The following PFDN1 variants were observed in gnomAD, a reference collection of about 807,000 sequenced individuals.
PFDN1 encodes prefoldin subunit 1, also known as prefoldin 1.
A neutral mutation model predicts 17.3 loss-of-function variants in PFDN1; 6 were observed. The ratio of observed to expected loss-of-function variants is 0.35; its 90% CI spans 0.19 to 0.69. PFDN1 has a LOEUF of 0.69. PFDN1 is among the 30% of genes least tolerant of loss of function. The pLI is 0.65. For synonymous variants in PFDN1, 58 were observed against 50.1 expected (o/e 1.16, Z -0.67); for missense variants, 113 against 146.2 (o/e 0.77, Z 1.17).
intron 1 of PFDN1, among the ~76,000 whole-genome samples, chr5:140,301,649 T>C (rs1765748589): frequency 1.3e-5 from 2 of 152,202 alleles, no homozygotes; most frequent in Admixed American, 1.3e-4. Flanking sequence ...AGTTTTTTAA[T>C]TAATTGGTTA....
chr5:140,283,454 C>T (rs1166214453), intron 2 of PFDN1, among the ~76,000 whole-genome samples: 3 of 152,164 alleles, frequency 2.0e-5, no homozygotes, highest in Non-Finnish European at 4.4e-5. Flanking sequence ...AGGATGGTCT[C>T]GATTTCCTGA....
intron 3 of PFDN1, among the ~76,000 whole-genome samples, chr5:140,257,048 C>G (rs933754512): frequency 4.0e-5 from 6 of 151,876 alleles, no homozygotes; most frequent in African/African-American, 1.5e-4. Flanking sequence ...TGATAAAAAC[C>G]CTGTCTCTAC....
chr5:140,264,567 G>A (rs989326262), intron 3 of PFDN1, among the ~76,000 whole-genome samples: 2 of 152,166 alleles, frequency 1.3e-5, no homozygotes, highest in Non-Finnish European at 1.5e-5. Flanking sequence ...GACTAGGCAT[G>A]GTGGGTCATG....
chr5:140,302,281 C>A (rs1765759610), intron 1 of PFDN1, among the ~76,000 whole-genome samples: 1 of 152,202 alleles, frequency 6.6e-6, no homozygotes, highest in Admixed American at 6.5e-5. Context: ...CACCCCACCG[C>A]ACAAAGCATA....
At chr5:140,263,935 G>A (rs188991679) in intron 3 of PFDN1, among the ~76,000 whole-genome samples, 1,951 of 146,812 alleles carry the variant, frequency 0.013, 28 homozygotes, top group Non-Finnish European at 0.02. Flanking sequence ...GCAGGAGAAT[G>A]GCGTGAACCC....
At chr5:140,283,692 CAA>C (rs1369794927) in intron 2 of PFDN1, among the ~76,000 whole-genome samples, 1 of 152,092 alleles carries the variant, frequency 6.6e-6, no homozygotes, top group Non-Finnish European at 1.5e-5. Flanking sequence ...TTACTGGATC[CAA>C]GAGATGGGTG....
At chr5:140,271,126 G>A (rs1349236527) in intron 3 of PFDN1, among the ~76,000 whole-genome samples, 1 of 152,066 alleles carries the variant, frequency 6.6e-6, no homozygotes, top group Admixed American at 6.6e-5. Context: ...GAGCATATAT[G>A]GTGGGCTTTT....
chr5:140,287,036 C>T (rs749064877), intron 2 of PFDN1, among the ~76,000 whole-genome samples: 2 of 152,088 alleles, frequency 1.3e-5, no homozygotes, highest in African/African-American at 2.4e-5. Context: ...TATAGTGGCT[C>T]TAATGTAAGT....
intron 3 of PFDN1, among the ~76,000 whole-genome samples, chr5:140,279,197 T>C (rs535485648): frequency 1.1e-4 from 17 of 152,296 alleles, no homozygotes; most frequent in East Asian, 5.8e-4. Flanking sequence ...ACAGAAACCG[T>C]AGAGGTGACA....
chr5:140,268,388 A>G (rs1765161821), intron 3 of PFDN1, among the ~76,000 whole-genome samples: 2 of 152,206 alleles, frequency 1.3e-5, no homozygotes, highest in Non-Finnish European at 2.9e-5. Flanking sequence ...ACAGTGGCTC[A>G]CACCTGTAAT....
intron 3 of PFDN1, among the ~76,000 whole-genome samples, chr5:140,278,642 C>T (rs574002566): frequency 6.6e-6 from 1 of 151,688 alleles, no homozygotes; most frequent in Non-Finnish European, 1.5e-5. Flanking sequence ...GAGCACTTGC[C>T]CCCCCAACAC....
At chr5:140,276,806 G>C (rs75955738) in intron 3 of PFDN1, among the ~76,000 whole-genome samples, 1 of 91,272 alleles carries the variant, frequency 1.1e-5, no homozygotes, top group South Asian at 4.7e-4. Flanking sequence ...AAAAAAAAAA[G>C]ACTGAGAGTA....
intron 3 of PFDN1, among the ~76,000 whole-genome samples, chr5:140,270,478 G>T (rs1490965765): frequency 2.6e-5 from 4 of 152,046 alleles, no homozygotes; most frequent in Admixed American, 2.0e-4. Flanking sequence ...GGGCTAATTG[G>T]AATGCAAATC....
At chr5:140,291,278 G>C (rs1331427727) in intron 2 of PFDN1, among the ~76,000 whole-genome samples, 2 of 152,160 alleles carry the variant, frequency 1.3e-5, no homozygotes, top group African/African-American at 2.4e-5. Context: ...ATTAGACCAG[G>C]GTGGTGGTAA....
chr5:140,290,669 G>T (rs112561325), intron 2 of PFDN1, among the ~76,000 whole-genome samples: 3 of 152,276 alleles, frequency 2.0e-5, no homozygotes, highest in African/African-American at 7.2e-5. Context: ...AGGAAGGAGA[G>T]GATTCAGTTG....
rs183585785 is a variant in PFDN1, at chr5:140,274,452, T to C, written c.285+6997A>G. Among the ~76,000 whole-genome samples the C allele has an allele frequency of 2.4e-4, 37 of 152,250 alleles. No individual in the cohort carries two copies. In the East Asian group the frequency reaches 5.0e-3, roughly 21 times the overall value. ...AGTTATTATCAGTATTTTTTAAAAATAGAAAATTTCCTCAAAAAATGACAA... is the reference window on the plus strand; with the variant it reads ...AGTTATTATCAGTATTTTTTAAAAACAGAAAATTTCCTCAAAAAATGACAA... On this transcript the variant is annotated intron_variant, in intron 3 of 3. Coordinates refer to ENST00000261813, the MANE Select transcript of PFDN1 (RefSeq NM_002622.5).
intron 3 of PFDN1, among the ~76,000 whole-genome samples, chr5:140,267,521 A>G (rs543109038): frequency 5.9e-5 from 9 of 152,306 alleles, no homozygotes; most frequent in South Asian, 2.1e-4. Flanking sequence ...GAGCTCAAAC[A>G]ATGCTCTCAT....
At chr5:140,256,120 T>TTTGCTGAC (rs1331662354) in intron 3 of PFDN1, among the ~76,000 whole-genome samples, 1 of 152,166 alleles carries the variant, frequency 6.6e-6, no homozygotes, top group Admixed American at 6.5e-5. Context: ...TAAGTTCTCC[T>TTTGCTGAC]TTGCTGACTA....
chr5:140,300,324 T>A lies in PFDN1; in HGVS notation c.200+92A>T, dbSNP rs896631494. Reference sequence around the variant, plus strand: ...GATTACAGGCATGAGCCACCACTCCTGGCCTAACCCAAGTTTTAAGATGAA... The same window carrying A: ...GATTACAGGCATGAGCCACCACTCCAGGCCTAACCCAAGTTTTAAGATGAA... On this transcript the variant is annotated intron_variant, in intron 2 of 3. Coordinates refer to ENST00000261813, the MANE Select transcript of PFDN1 (RefSeq NM_002622.5). The A allele has an allele frequency of 1.1e-5, 11 of 981,872 alleles. No individual in the cohort carries two copies. In the African/African-American group the frequency reaches 1.8e-4, roughly 16 times the overall value. The allele number at this position is 981,872 out of a possible 1,614,324, so 60.8% of individuals were successfully genotyped here. A position where few individuals can be genotyped will look rare whatever the true frequency, so the allele number is the denominator to read the frequency against.
Sources: allele counts gnomAD v4.1 joint callset (sites outside exome capture counted in the v4.1 genomes callset), GRCh38; gene constraint gnomAD v4.1.1; transcripts MANE v1.5; gene names NCBI Gene and HGNC (gene_info 2026-07-23, HGNC 2026-07-21).